DENND4C: variants seen among roughly 807,000 people sequenced by gnomAD.
DENND4C encodes the protein DENN domain containing 4C, also known as DENN domain-containing protein 4C.
A neutral mutation model predicts 203.0 loss-of-function variants in DENND4C; 108 were observed. That is an observed-to-expected ratio of 0.53 (90% CI 0.46 to 0.62). The LOEUF (loss-of-function observed/expected upper bound fraction) is 0.62. DENND4C is among the 20% of genes least tolerant of loss of function. DENND4C has a pLI of 0.00. For missense variants in DENND4C, 2,481 were observed against 2,301.2 expected, an observed-to-expected ratio of 1.08 and a Z score of -1.60; for synonymous variants, 871 against 792.4, an observed-to-expected ratio of 1.10 and a Z score of -1.67.
At chr9:19,276,636 T>C in intron 2 of DENND4C, 157 bp downstream of exon 2, 1 of 442,678 alleles carries the variant, frequency 2.3e-6, no homozygotes, top group Non-Finnish European at 3.7e-6. Flanking sequence ...TAGTAATATA[T>C]TACATGCCAG....
chr9:19,327,287 A>G (rs1388607353), intron 15 of DENND4C, among the ~76,000 whole-genome samples: 3 of 152,124 alleles, frequency 2.0e-5, no homozygotes, highest in African/African-American at 4.8e-5. Context: ...AGTCAATAAT[A>G]TAAAAATATG....
In DENND4C at chr9:19,290,668, A is replaced by G. The variant is rs527748807; in HGVS notation, c.629-36A>G. The G allele has an allele frequency of 1.1e-5, 14 of 1,318,682 alleles. No individual in the cohort carries two copies. In the East Asian group the frequency reaches 1.8e-4, roughly 17 times the overall value. The allele number at this position is 1,318,682 out of a possible 1,614,324, so 81.7% of individuals were successfully genotyped here. ...ATATGCAATTTATGGAAAAGTAACT[A>G]TTTAAAAAATTTATTGTTGTCTCAT... On this transcript the variant is annotated intron_variant, in intron 4 of 32. Coordinates refer to ENST00000434457, the MANE Select transcript of DENND4C (RefSeq NM_001330640.2).
intron 12 of DENND4C, among the ~76,000 whole-genome samples, chr9:19,322,488 G>A (rs982660297): frequency 9.2e-5 from 14 of 151,862 alleles, no homozygotes; most frequent in South Asian, 2.1e-4. Context: ...GAGGCCAGGC[G>A]CGGTGGCTCA....
rs773668072 is a variant in DENND4C at position 19,352,194 on chromosome 9, A to T, written c.4605+12A>T. The T allele has an allele frequency of 6.2e-7, 1 of 1,603,042 alleles. No homozygotes were observed. Among genetic ancestry groups the T allele is most frequent in the African/African-American group, 1.3e-5 (1 of 74,696 alleles). ...ATTGTGCAATGGAGGTAAAAGTTCT[A>T]TATTCAGTTCATGATAAAGTAGCTG... On this transcript the variant is annotated intron_variant, in intron 25 of 32. Transcript: ENST00000434457.
In DENND4C at chr9:19,316,842, G is replaced by A; in HGVS notation, c.1807+3G>A. On this transcript the variant is annotated splice_donor_region_variant and intron_variant, in intron 12 of 32. Coordinates refer to ENST00000434457, the MANE Select transcript of DENND4C (RefSeq NM_001330640.2). ...TGATTCATTGTTTGACCGACAGGGT[G>A]AGTAGCATTGAAAGTACAATTCCTT... 3.1e-6 allele frequency: 5 copies of A among 1,605,266 alleles called. No homozygotes were observed. The highest frequency in any genetic ancestry group is 3.4e-6 in the Non-Finnish European group (4 of 1,177,108).
chr9:19,352,983 A>T (rs900159395), intron 26 of DENND4C, among the ~76,000 whole-genome samples: 2 of 151,782 alleles, frequency 1.3e-5, no homozygotes, highest in Non-Finnish European at 2.9e-5. Context: ...AAGATTTTTT[A>T]AAATTAGCTG....
chr9:19,333,049 C>T (rs939830484), intron 17 of DENND4C, among the ~76,000 whole-genome samples: 1 of 151,186 alleles, frequency 6.6e-6, no homozygotes, highest in Non-Finnish European at 1.5e-5. Context: ...TATATATATA[C>T]TCGTGCCCAA....
intron 30 of DENND4C, among the ~76,000 whole-genome samples, chr9:19,363,295 C>A (rs950803825): frequency 6.6e-6 from 1 of 151,888 alleles, no homozygotes; most frequent in Admixed American, 6.6e-5. Context: ...GCGGGTGGAT[C>A]ACGAGGTCAG....
At chr9:19,327,207 A>T (rs1456166287) in intron 15 of DENND4C, among the ~76,000 whole-genome samples, 8 of 152,118 alleles carry the variant, frequency 5.3e-5, no homozygotes, top group Admixed American at 5.2e-4. Flanking sequence ...AAAATCAAAT[A>T]TGGAAAGGCG....
chr9:19,356,082 T>C (rs1825331832), intron 26 of DENND4C, among the ~76,000 whole-genome samples: 1 of 152,172 alleles, frequency 6.6e-6, no homozygotes, highest in African/African-American at 2.4e-5. Flanking sequence ...TACAACAAAT[T>C]TTAAAGGTTT....
At chr9:19,300,123 C>G in intron 8 of DENND4C, 64 bp from the exon 9 acceptor site, 1 of 1,454,706 alleles carries the variant, frequency 6.9e-7, no homozygotes, top group Non-Finnish European at 9.3e-7. Context: ...CTTTAATAAG[C>G]AAATCTTAAC....
At chr9:19,349,423 A>G (rs548192429) in intron 23 of DENND4C, among the ~76,000 whole-genome samples, 4 of 152,120 alleles carry the variant, frequency 2.6e-5, no homozygotes, top group African/African-American at 9.7e-5. Context: ...CCCAAAAATT[A>G]TCTGTTAAAA....
intron 5 of DENND4C, among the ~76,000 whole-genome samples, chr9:19,292,055 ACT>A (rs1344321353): frequency 9.9e-5 from 15 of 152,046 alleles, no homozygotes; most frequent in African/African-American, 3.6e-4. Context: ...ACGGAATGTC[ACT>A]CTTGTTGCCC....
rs182479100 is a variant in DENND4C, at chr9:19,312,037, C to T, written c.1488-4380C>T. On this transcript the variant is annotated intron_variant, in intron 10 of 32. Coordinates refer to ENST00000434457, the MANE Select transcript of DENND4C (RefSeq NM_001330640.2). ...AAATGGCTCCTACAGTGGAATACTA[C>T]TGTAGCGCTGTAAAATGAGCAAGGA... Among the ~76,000 whole-genome samples the T allele has an allele frequency of 2.3e-4, 35 of 152,300 alleles. No individual in the cohort carries two copies. The East Asian group carries it at 5.0e-3, about 22-fold the overall frequency.
chr9:19,360,812 G>A (rs1006305115), intron 29 of DENND4C, among the ~76,000 whole-genome samples: 5 of 152,074 alleles, frequency 3.3e-5, no homozygotes, highest in African/African-American at 7.2e-5. Context: ...TTTTCTTAAG[G>A]GATAGCTCCT....
chr9:19,276,536 TG>T (rs1341132996), intron 2 of DENND4C, 57 bp downstream of exon 2: 3 of 1,030,270 alleles, frequency 2.9e-6, no homozygotes, highest in Admixed American at 4.3e-5. Context: ...TTAAGGGCCA[TG>T]GAAGTAGGAA....
At chr9:19,265,324 T>A (rs1414270483) in intron 1 of DENND4C, among the ~76,000 whole-genome samples, 2 of 152,204 alleles carry the variant, frequency 1.3e-5, no homozygotes, top group East Asian at 1.9e-4. Context: ...GCCAATTTTT[T>A]AAATTTTCCT....
chr9:19,329,761 A>G (rs1370727356), intron 16 of DENND4C, among the ~76,000 whole-genome samples: 2 of 152,194 alleles, frequency 1.3e-5, no homozygotes, highest in African/African-American at 4.8e-5. Context: ...AAGAAGTTGT[A>G]TTTTAAATTT....
chr9:19,284,119 G>A (rs1331736774), intron 2 of DENND4C, among the ~76,000 whole-genome samples: 2 of 152,106 alleles, frequency 1.3e-5, no homozygotes, highest in Admixed American at 1.3e-4. Flanking sequence ...CCTACAAATT[G>A]ACATTTTTTT....
Sources: allele counts gnomAD v4.1 joint callset (sites outside exome capture counted in the v4.1 genomes callset), GRCh38; gene constraint gnomAD v4.1.1; transcripts MANE v1.5; gene names NCBI Gene and HGNC (gene_info 2026-07-23, HGNC 2026-07-21).